Variants in CCDC170 observed in about 807,000 individuals in gnomAD.
CCDC170 encodes the protein coiled-coil domain containing 170.
A neutral mutation model predicts 72.6 loss-of-function variants in CCDC170; 69 were observed. That is an observed-to-expected ratio of 0.95 (90% CI 0.78 to 1.16). The LOEUF is 1.16. CCDC170 is among the 50% of genes most tolerant of loss of function. The pLI, the probability that CCDC170 is intolerant of heterozygous loss-of-function variation, is 0.00. For synonymous variants in CCDC170, 300 were observed against 303.9 expected, an observed-to-expected ratio of 0.99 and a Z score of 0.13; for missense variants, 852 against 832.5, an observed-to-expected ratio of 1.02 and a Z score of -0.29.
At chr6:151,543,544 C>G (rs979223504) in intron 3 of CCDC170, among the ~76,000 whole-genome samples, 2 of 152,136 alleles carry the variant, frequency 1.3e-5, no homozygotes, top group Non-Finnish European at 2.9e-5. Flanking sequence ...CTAGAACTTA[C>G]CCCTGCCATC....
At chr6:151,608,071 T>C (rs2115135455) in intron 9 of CCDC170, among the ~76,000 whole-genome samples, 1 of 152,314 alleles carries the variant, frequency 6.6e-6, no homozygotes, top group African/African-American at 2.4e-5. Flanking sequence ...TGTTTTCAGG[T>C]TTAGAAATTA....
intron 5 of CCDC170, among the ~76,000 whole-genome samples, chr6:151,552,168 G>T (rs533625426): frequency 6.6e-6 from 1 of 152,086 alleles, no homozygotes; most frequent in African/African-American, 2.4e-5. Flanking sequence ...GGATCTAGAG[G>T]CTGGATTGGA....
rs146144838 is a variant in CCDC170, at chr6:151,604,674, A to C, written c.1710+8097A>C. On this transcript the variant is annotated intron_variant, in intron 9 of 10. Transcript: ENST00000239374. ...ACACGTGCTCTTACGGTAGGGAAGG[A>C]GGGGAAGTGAGCCCAGACTGCAAAT... Among the ~76,000 whole-genome samples the C allele has an allele frequency of 2.5e-3, 380 of 152,280 alleles. 2 individuals are homozygous for C. The highest frequency in any genetic ancestry group is 8.8e-3 in the African/African-American group (366 of 41,554).
intron 5 of CCDC170, among the ~76,000 whole-genome samples, chr6:151,565,045 G>A (rs4610577): frequency 0.9 from 136,643 of 152,192 alleles, 61,497 homozygotes; most frequent in East Asian, 0.99. Context: ...TGGGGAGCCT[G>A]TCCTTGGGAC....
At chr6:151,561,367 T>C (rs1776028310) in intron 5 of CCDC170, among the ~76,000 whole-genome samples, 1 of 152,174 alleles carries the variant, frequency 6.6e-6, no homozygotes, top group Non-Finnish European at 1.5e-5. Context: ...TTCTTTCATT[T>C]CCATGTTTAG....
At chr6:151,523,471 A>C (rs1782354001) in intron 1 of CCDC170, among the ~76,000 whole-genome samples, 1 of 152,062 alleles carries the variant, frequency 6.6e-6, no homozygotes, top group Admixed American at 6.6e-5. Flanking sequence ...GGATCACTTG[A>C]GGCCAGGAGT....
At chr6:151,502,775 G>A (rs1383136007) in intron 1 of CCDC170, among the ~76,000 whole-genome samples, 3 of 152,230 alleles carry the variant, frequency 2.0e-5, no homozygotes, top group Non-Finnish European at 4.4e-5. Flanking sequence ...TAGGCACTCT[G>A]TTAGGCACTG....
intron 5 of CCDC170, among the ~76,000 whole-genome samples, chr6:151,566,875 T>C (rs1776144543): frequency 6.6e-6 from 1 of 152,230 alleles, no homozygotes; most frequent in African/African-American, 2.4e-5. Context: ...TAGTTAATCT[T>C]GGTTGGATTG....
intron 9 of CCDC170, among the ~76,000 whole-genome samples, chr6:151,604,602 A>T (rs1672675297): frequency 6.6e-6 from 1 of 152,222 alleles, no homozygotes; most frequent in East Asian, 1.9e-4. Context: ...ACACAAAGAA[A>T]TGGTAAATGT....
At chr6:151,514,726 T>A (rs1418328095) in intron 1 of CCDC170, among the ~76,000 whole-genome samples, 1 of 152,140 alleles carries the variant, frequency 6.6e-6, no homozygotes, top group Non-Finnish European at 1.5e-5. Context: ...TGGGGAAAGA[T>A]GGATCAGGTC....
At chr6:151,504,968 G>A (rs762816587) in intron 1 of CCDC170, among the ~76,000 whole-genome samples, 2 of 152,030 alleles carry the variant, frequency 1.3e-5, no homozygotes, top group African/African-American at 2.4e-5. Context: ...AAGGAGAGAC[G>A]CTCAGTAGAG....
chr6:151,506,527 C>T lies in CCDC170; in HGVS notation c.57+12342C>T, dbSNP rs7747589. ...AAGATAGATTTATTCAAGATGCAGG[C>T]GATAGAGTTTCATTTCACATCATTT... On this transcript the variant is annotated intron_variant, in intron 1 of 10. Coordinates refer to ENST00000239374, the MANE Select transcript of CCDC170 (RefSeq NM_025059.4). 7.3e-3 allele frequency among the ~76,000 whole-genome samples: 1,113 copies of T among 152,240 alleles called. 14 individuals are homozygous for T. Among genetic ancestry groups the T allele is most frequent in the African/African-American group, 0.025 (1,021 of 41,540 alleles).
intron 9 of CCDC170, among the ~76,000 whole-genome samples, chr6:151,610,454 A>G (rs1477604071): frequency 6.6e-6 from 1 of 152,192 alleles, no homozygotes; most frequent in African/African-American, 2.4e-5. Context: ...ACTGATTACT[A>G]TATTTTGCCT....
intron 9 of CCDC170, among the ~76,000 whole-genome samples, chr6:151,610,426 A>G (rs79136054): frequency 0.016 from 2,460 of 152,302 alleles, 32 homozygotes; most frequent in Non-Finnish European, 0.023. Flanking sequence ...TACCCTTCAC[A>G]CAGATTGTTA....
At chr6:151,494,926 C>T (rs924108803) in intron 1 of CCDC170, among the ~76,000 whole-genome samples, 1 of 152,192 alleles carries the variant, frequency 6.6e-6, no homozygotes, top group African/African-American at 2.4e-5. Context: ...CACCGGGTAT[C>T]GTGTGTATTG....
At chr6:151,526,183 CCTCT>C (rs754638810) in intron 1 of CCDC170, among the ~76,000 whole-genome samples, 2 of 148,792 alleles carry the variant, frequency 1.3e-5, no homozygotes, top group South Asian at 2.2e-4. Context: ...CTCTCTCTCT[CCTCT>C]CTCTCTTTCT....
rs756240602 is a variant in CCDC170 at position 151,618,164 on chromosome 6, G to T, written c.*17G>T. The T allele has an allele frequency of 1.3e-5, 21 of 1,604,458 alleles. No homozygotes were observed. The highest frequency in any genetic ancestry group is 1.8e-5 in the Non-Finnish European group (21 of 1,172,696). The stretch of plus-strand genomic sequence containing the variant: ...CTTCATTGAACACTGTATCTCTTGA[G>T]AGAGGTGGCCATAAGACATGGCACA... On this transcript the variant is annotated 3_prime_UTR_variant, in exon 11 of 11. Transcript: ENST00000239374.
At chr6:151,504,957 A>T (rs775529879) in intron 1 of CCDC170, among the ~76,000 whole-genome samples, 3 of 152,042 alleles carry the variant, frequency 2.0e-5, no homozygotes, top group Non-Finnish European at 2.9e-5. Context: ...GAAGTGGGAA[A>T]AAGGAGAGAC....
At chr6:151,534,149 G>T (rs1484298501) in intron 1 of CCDC170, among the ~76,000 whole-genome samples, 2 of 148,778 alleles carry the variant, frequency 1.3e-5, no homozygotes, top group Non-Finnish European at 3.0e-5. Context: ...ACTGCAGCTT[G>T]ACCTCCTGGG....
Sources: allele counts gnomAD v4.1 joint callset (sites outside exome capture counted in the v4.1 genomes callset), GRCh38; gene constraint gnomAD v4.1.1; transcripts MANE v1.5; gene names NCBI Gene and HGNC (gene_info 2026-07-23, HGNC 2026-07-21).